TMEM269: variants seen among roughly 807,000 people sequenced by gnomAD.
TMEM269 encodes the protein transmembrane protein 269.
Under a neutral mutation model 15.8 loss-of-function variants are expected in TMEM269, and 12 were observed. That is an observed-to-expected ratio of 0.76 (90% CI 0.49 to 1.23). TMEM269 has a LOEUF of 1.23. Among genes scored for constraint, TMEM269 ranks in the 50% most tolerant of loss-of-function variants. The pLI is 0.00. For missense variants in TMEM269, 211 were observed against 245.4 expected (o/e 0.86, Z 0.94); for synonymous variants, 93 against 99.3 (o/e 0.94, Z 0.38).
intron 5 of TMEM269, among the ~76,000 whole-genome samples, chr1:42,795,005 A>G (rs1180596625): frequency 3.3e-5 from 5 of 152,246 alleles, no homozygotes; most frequent in Non-Finnish European, 7.3e-5. Flanking sequence ...CAGGGGAGAC[A>G]GAGATCAAAC....
At chr1:42,786,502 G>C (rs1653544544) in intron 1 of TMEM269, among the ~76,000 whole-genome samples, 1 of 152,228 alleles carries the variant, frequency 6.6e-6, no homozygotes, top group Non-Finnish European at 1.5e-5. Context: ...CTGAGAGGAA[G>C]CTGGGAGAGC....
At chr1:42,791,679 C>G (rs1336655656) in intron 2 of TMEM269, among the ~76,000 whole-genome samples, 1 of 152,118 alleles carries the variant, frequency 6.6e-6, no homozygotes, top group Non-Finnish European at 1.5e-5. Flanking sequence ...GAAAAGCAAA[C>G]TAAATCCAAA....
At position 42,788,921 on chromosome 1, in the gene TMEM269, AC is replaced by A. The variant is rs1277929455; in HGVS notation, c.-98-874del. Among the ~76,000 whole-genome samples the A allele has an allele frequency of 7.0e-6, 1 of 142,344 alleles. No individual in the cohort carries two copies. The highest frequency in any genetic ancestry group is 2.6e-5 in the African/African-American group (1 of 38,524). 93.4% of individuals were successfully genotyped at this position (142,344 alleles called of 152,430 possible). On this transcript the variant is annotated intron_variant, in intron 1 of 5. Transcript: ENST00000637012. This position sits in a 1 kb window ranked among gnomAD's most constrained non-coding sequence, Gnocchi z 4.0. ...CTTTGTGAACTATTCAGTGTTGTAC[AC>A]TTTTTTTTTTTTTTTTTTAGACAGA...
intron 2 of TMEM269, among the ~76,000 whole-genome samples, chr1:42,791,316 A>G (rs948335495): frequency 1.3e-5 from 2 of 152,218 alleles, no homozygotes; most frequent in Non-Finnish European, 2.9e-5. Context: ...TCACTTGGAC[A>G]GATCACATTC....
intron 2 of TMEM269, among the ~76,000 whole-genome samples, chr1:42,790,270 C>T (rs1311045958): frequency 1.3e-5 from 2 of 152,140 alleles, no homozygotes; most frequent in Admixed American, 1.3e-4. Flanking sequence ...TCTGGGAGGT[C>T]CGAGACATTA....
At chr1:42,790,069 G>A in intron 2 of TMEM269, 135 bp downstream of exon 2, 1 of 653,258 alleles carries the variant, frequency 1.5e-6, no homozygotes, top group Non-Finnish European at 2.7e-6. Flanking sequence ...AGTGGCTTAG[G>A]AGTCAAGAGG....
In TMEM269 at chr1:42,797,819, T is replaced by C. The variant is rs1476799467; in HGVS notation, c.485-279T>C. ...GGTTTTTGTCTTGGTTTGTTTTGTTTTCCCTAACAAAGGCAATTCAGATTT... is the reference window on the plus strand; with the variant it reads ...GGTTTTTGTCTTGGTTTGTTTTGTTCTCCCTAACAAAGGCAATTCAGATTT... On this transcript the variant is annotated intron_variant, in intron 5 of 5. Coordinates refer to ENST00000637012, the MANE Select transcript of TMEM269 (RefSeq NM_001354602.2). This position sits in a 1 kb window ranked among gnomAD's most constrained non-coding sequence, Gnocchi z 4.9. The C allele has an allele frequency of 1.7e-6, 1 of 587,416 alleles. No individual in the cohort carries two copies. Among genetic ancestry groups the C allele is most frequent in the Admixed American group, 2.2e-5 (1 of 46,066 alleles). 36.4% of individuals were successfully genotyped at this position (587,416 alleles called of 1,614,324 possible).
chr1:42,790,225 A>T (rs1010562310), intron 2 of TMEM269, among the ~76,000 whole-genome samples: 2 of 152,222 alleles, frequency 1.3e-5, no homozygotes, highest in Admixed American at 6.5e-5. Flanking sequence ...TTCTTAGATC[A>T]TATGACCTGG....
At position 42,800,293 on chromosome 1, in the gene TMEM269, G is replaced by A. The variant is rs1408923630; in HGVS notation, c.*2068G>A. 2 of 152,182 alleles carry A rather than the reference G, an allele frequency of 1.3e-5. No homozygotes were observed. The highest frequency in any genetic ancestry group is 2.4e-5 in the African/African-American group (1 of 41,446). 9.4% of individuals were successfully genotyped at this position (152,182 alleles called of 1,614,324 possible). On this transcript the variant is annotated 3_prime_UTR_variant, in exon 6 of 6. Transcript: ENST00000637012. The stretch of plus-strand genomic sequence containing the variant: ...TCTATGCTTCCTTGCACCTCTCTGA[G>A]AGTATGGTTATACTTCTATACGGGC...
chr1:42,792,689 G>A (rs965267678), intron 2 of TMEM269, 116 bp from the exon 3 acceptor site: 27 of 680,490 alleles, frequency 4.0e-5, no homozygotes, highest in Non-Finnish European at 6.2e-5. Flanking sequence ...GCAAGTGTGG[G>A]AGGTGTGTGG....
At chr1:42,793,143 T>A (rs1158131130) in intron 3 of TMEM269, among the ~76,000 whole-genome samples, 1 of 152,132 alleles carries the variant, frequency 6.6e-6, no homozygotes, top group Non-Finnish European at 1.5e-5. Context: ...GGCTTTCAGT[T>A]TTCTCATCTG....
At position 42,788,080 on chromosome 1, in the gene TMEM269, C is replaced by T. The variant is rs376337135; in HGVS notation, c.-98-1716C>T. On this transcript the variant is annotated intron_variant, in intron 1 of 5. Transcript: ENST00000637012. The surrounding 1 kb of genome is among the most constrained non-coding windows in gnomAD (Gnocchi z 4.0). ...ATCACCTTTGGTGAGTGAGGCTGGC[C>T]CATGGAGGCAGTGAGCCCAGCAGTG... 1 of 152,432 alleles carries T rather than the reference C, an allele frequency of 6.6e-6. No individual in the cohort carries two copies. The highest frequency in any genetic ancestry group is 1.9e-4 in the East Asian group (1 of 5,186). The allele number at this position is 152,432 out of a possible 1,614,324, so 9.4% of individuals were successfully genotyped here.
intron 1 of TMEM269, among the ~76,000 whole-genome samples, chr1:42,785,302 G>T (rs1653520246): frequency 6.6e-6 from 1 of 152,218 alleles, no homozygotes; most frequent in Admixed American, 6.5e-5. Context: ...GCTGGGAGGG[G>T]AGGGGGTCTG....
At chr1:42,786,264 T>C (rs112903223) in intron 1 of TMEM269, among the ~76,000 whole-genome samples, 8 of 152,332 alleles carry the variant, frequency 5.3e-5, no homozygotes, top group Admixed American at 2.6e-4. Context: ...TCAGGCCTCA[T>C]ACTGGGTACA....
Position 42,798,120 on chromosome 1 carries a change from C to T in TMEM269, c.507C>T (p.Ser169=). 1 of 1,551,064 alleles carries T rather than the reference C, an allele frequency of 6.4e-7. No homozygotes were observed. ...YIGGVIMLFF[S]PLSLSAFYCL... ...CAGGTGTCATCATGCTGTTTTTCTC[C>T]CCATTGTCTCTGTCTGCTTTTTACT... is the stretch of plus-strand genomic sequence containing the variant. Residue 169 remains serine, a synonymous_variant, in exon 6 of 6, where the codon TCC becomes TCT. Transcript: ENST00000637012.
chr1:42,789,343 A>C lies in TMEM269; in HGVS notation c.-98-453A>C, dbSNP rs1007753087. 30 of 1,108,774 alleles carry C rather than the reference A, an allele frequency of 2.7e-5. No homozygotes were observed. The African/African-American group carries it at 3.9e-4, about 14-fold the overall frequency. 68.7% of individuals were successfully genotyped at this position (1,108,774 alleles called of 1,614,324 possible). A position where few individuals can be genotyped will look rare whatever the true frequency, so the allele number is the denominator to read the frequency against. On this transcript the variant is annotated intron_variant, in intron 1 of 5. Transcript: ENST00000637012. ...AGCTGCAGCCCTGTGCTTCAGAAGG[A>C]GTGAACTTGGACTGTGGGACAACAG...
At chr1:42,793,558 C>T (rs759710666) in intron 3 of TMEM269, 43 bp from the exon 4 acceptor site, 14 of 1,526,768 alleles carry the variant, frequency 9.2e-6, no homozygotes, top group Admixed American at 8.2e-5. Flanking sequence ...AGGTGCAAGA[C>T]GTGGGAGTAT....
At chr1:42,790,174 C>T (rs1188614316) in intron 2 of TMEM269, among the ~76,000 whole-genome samples, 1 of 152,124 alleles carries the variant, frequency 6.6e-6, no homozygotes, top group Non-Finnish European at 1.5e-5. Flanking sequence ...TCTGGTGGCC[C>T]TTATGCAATC....
chr1:42,795,494 A>T (rs1020452126), intron 5 of TMEM269, among the ~76,000 whole-genome samples: 1 of 152,248 alleles, frequency 6.6e-6, no homozygotes, highest in Admixed American at 6.5e-5. Context: ...GGAGGAAAAC[A>T]AACTTTTTGT....
Sources: gnomAD v4.1 joint callset for allele counts (sites outside exome capture counted in the v4.1 genomes callset) on GRCh38, gnomAD v4.1.1 for gene constraint, Gnocchi (gnomAD v3.1) non-coding constraint, MANE v1.5 for transcripts, NCBI Gene and HGNC (gene_info 2026-07-23, HGNC 2026-07-21) for gene names.